PCDHGB3: variants seen among roughly 807,000 people sequenced by gnomAD.
PCDHGB3 encodes protocadherin gamma subfamily B, 3.
PCDHGB3 carries 40 observed loss-of-function variants against 59.2 expected under a neutral mutation model. The observed-to-expected ratio is 0.68, with a 90% CI of 0.52 to 0.88. PCDHGB3 has a LOEUF of 0.88. Among genes scored for constraint, PCDHGB3 ranks in the 40% least tolerant of loss-of-function variants. The probability of loss-of-function intolerance (pLI) is 0.00; values close to 1 mark genes in which losing one functional copy is unlikely to be tolerated. For synonymous variants in PCDHGB3, 581 were observed against 503.6 expected (o/e 1.15, Z -2.06); for missense variants, 1,309 against 1,187.9 (o/e 1.10, Z -1.50).
At chr5:141,430,771 G>A (rs772862341) in intron 1 of PCDHGB3, 37 of 1,506,734 alleles carry the variant, frequency 2.5e-5, no homozygotes, top group Non-Finnish European at 2.7e-5. Flanking sequence ...TGATTCCTGC[G>A]CGACTGCACC....
intron 1 of PCDHGB3, chr5:141,384,825 CG>C (rs1780562640): frequency 1.2e-6 from 2 of 1,613,472 alleles, no homozygotes; most frequent in Non-Finnish European, 1.7e-6. Context: ...AGCAGAGCCT[CG>C]TGGTGGCCGT....
chr5:141,376,374 G>GT (rs778102910), intron 1 of PCDHGB3: 18 of 1,614,072 alleles, frequency 1.1e-5, no homozygotes, highest in East Asian at 1.1e-4. Context: ...GCAGACTCGC[G>GT]TAAGAGTCAT....
At chr5:141,479,056 A>G (rs952560687) in intron 1 of PCDHGB3, among the ~76,000 whole-genome samples, 1 of 152,098 alleles carries the variant, frequency 6.6e-6, no homozygotes, top group Admixed American at 6.5e-5. Context: ...TTCTCAGATA[A>G]TTTTTTATGA....
rs749044339 is a variant in PCDHGB3, at chr5:141,477,410, G to A, written c.2416-17397G>A. On this transcript the variant is annotated intron_variant, in intron 1 of 3. Coordinates refer to ENST00000576222, the MANE Select transcript of PCDHGB3 (RefSeq NM_018924.5). This position sits in a 1 kb window ranked among gnomAD's most constrained non-coding sequence, Gnocchi z 4.9. ...CAACCTCAGCATCACCGCCCGAGAC[G>A]CCGGAACCCCTTCCCTCTCAGCCCT... 66 of 1,613,988 alleles carry A rather than the reference G, an allele frequency of 4.1e-5. 1 individual carries two copies. The South Asian group carries it at 7.0e-4, about 17-fold the overall frequency.
At chr5:141,374,761 C>T in intron 1 of PCDHGB3, 1 of 1,613,458 alleles carries the variant, frequency 6.2e-7, no homozygotes, top group African/African-American at 1.3e-5. Context: ...CAAGCGTCGC[C>T]CAAATTCTGG....
intron 1 of PCDHGB3, chr5:141,433,325 C>CA: frequency 2.8e-6 from 2 of 726,266 alleles, no homozygotes; most frequent in Non-Finnish European, 4.5e-6. Context: ...TCCGGTGTAA[C>CA]AGGGACTACA....
chr5:141,430,952 C>T, intron 1 of PCDHGB3: 2 of 1,610,382 alleles, frequency 1.2e-6, no homozygotes, highest in Non-Finnish European at 1.7e-6. Flanking sequence ...GCGCGGAGTC[C>T]GCATCATCCC....
chr5:141,502,500 G>C (rs1398797155), intron 2 of PCDHGB3, among the ~76,000 whole-genome samples: 1 of 152,046 alleles, frequency 6.6e-6, no homozygotes, highest in Non-Finnish European at 1.5e-5. Flanking sequence ...ATCTAACGTC[G>C]GCCTGTCCCA....
chr5:141,374,747 C>G, intron 1 of PCDHGB3: 1 of 1,612,140 alleles, frequency 6.2e-7, no homozygotes, highest in Non-Finnish European at 8.5e-7. Flanking sequence ...CGACCCTGTC[C>G]GCTCAAGCGT....
chr5:141,454,546 A>G (rs1342532359), intron 1 of PCDHGB3, among the ~76,000 whole-genome samples: 1 of 152,098 alleles, frequency 6.6e-6, no homozygotes, highest in African/African-American at 2.4e-5. Flanking sequence ...AGCTGAGATT[A>G]CAGGCATGTG....
chr5:141,374,154 G>C (rs376984494), intron 1 of PCDHGB3: 38 of 1,611,790 alleles, frequency 2.4e-5, no homozygotes, highest in Admixed American at 8.4e-5. Flanking sequence ...GGGACGCTGT[G>C]GGGGGCCGCG....
intron 1 of PCDHGB3, among the ~76,000 whole-genome samples, chr5:141,463,944 T>C (rs1454454223): frequency 3.3e-5 from 5 of 152,158 alleles, no homozygotes; most frequent in African/African-American, 4.8e-5. Flanking sequence ...TTTATAGAAA[T>C]CTTCATTTTT....
intron 1 of PCDHGB3, chr5:141,383,242 A>C: frequency 1.9e-6 from 3 of 1,613,970 alleles, no homozygotes; most frequent in Non-Finnish European, 2.5e-6. Flanking sequence ...AGATAAAATG[A>C]ATCTTTACCC....
chr5:141,372,687 T>G lies in PCDHGB3; in HGVS notation c.2293T>G (p.Phe765Val). 6.2e-7 allele frequency: 1 copy of G among 1,614,018 alleles called. No individual in the cohort carries two copies. The change falls in exon 1 of 4, where the codon TTT becomes GTT. Residue 765 changes from phenylalanine (F) to valine (V), a missense_variant. Physicochemically the swap from Phe to Val is conservative, Grantham distance 50. Coordinates refer to ENST00000576222, the MANE Select transcript of PCDHGB3 (RefSeq NM_018924.5). ...CAASHSSNTE[F>V]KFLNIKAENA... ...TGCCTCACATTCCTCAAACACCGAG[T>G]TTAAATTTCTCAATATAAAGGCTGA...
Position 141,371,939 on chromosome 5 carries a change from C to G in PCDHGB3, c.1545C>G (p.Phe515Leu), listed in dbSNP as rs1561553418. 3.7e-6 allele frequency: 6 copies of G among 1,613,300 alleles called. No homozygotes were observed. Among genetic ancestry groups the G allele is most frequent in the Non-Finnish European group, 5.1e-6 (6 of 1,179,886 alleles). Residue 515 changes from phenylalanine to leucine, a missense_variant, in exon 1 of 4, where the codon TTC becomes TTG. By Grantham distance (22) the Phe-to-Leu change is conservative (BLOSUM62 0). Coordinates refer to ENST00000576222, the MANE Select transcript of PCDHGB3 (RefSeq NM_018924.5). ...TGAGCGCGCGGAGCGGGGTGGTGTT[C>G]GCGCAGCGAGCCTTCGACCACGAGC... ...VSVSARSGVVFAQRAFDHEQL... is the reference protein window; with the variant it reads ...VSVSARSGVVLAQRAFDHEQL...
chr5:141,486,271 C>T lies in PCDHGB3; in HGVS notation c.2416-8536C>T. 1 of 1,614,086 alleles carries T rather than the reference C, an allele frequency of 6.2e-7. No homozygotes were observed. Among genetic ancestry groups the T allele is most frequent in the Non-Finnish European group, 8.5e-7 (1 of 1,179,994 alleles). ...CCCTCCCCGAGAGTGCAGAACCTGG[C>T]ACTGTGGTGGCACTTATCAGTGTGC... On this transcript the variant is annotated intron_variant, in intron 1 of 3. Coordinates refer to ENST00000576222, the MANE Select transcript of PCDHGB3 (RefSeq NM_018924.5). The surrounding 1 kb of genome is among the most constrained non-coding windows in gnomAD (Gnocchi z 5.0).
chr5:141,397,988 C>A, intron 1 of PCDHGB3: 2 of 1,327,490 alleles, frequency 1.5e-6, no homozygotes, highest in Non-Finnish European at 1.0e-6. Flanking sequence ...CTTTACACCG[C>A]TTCCTCCTCG....
chr5:141,457,997 G>A (rs2098934533), intron 1 of PCDHGB3, among the ~76,000 whole-genome samples: 1 of 152,152 alleles, frequency 6.6e-6, no homozygotes, highest in Non-Finnish European at 1.5e-5. Context: ...TAAAGCCTTG[G>A]CAAAATAACC....
At chr5:141,414,300 G>T in intron 1 of PCDHGB3, 7 of 1,613,560 alleles carry the variant, frequency 4.3e-6, no homozygotes, top group Non-Finnish European at 5.9e-6. Context: ...TTTTAAATGT[G>T]CATGATTTAG....
Sources: allele counts gnomAD v4.1 joint callset (sites outside exome capture counted in the v4.1 genomes callset), GRCh38; gene constraint gnomAD v4.1.1; non-coding constraint Gnocchi (gnomAD v3.1); transcripts MANE v1.5; gene names NCBI Gene and HGNC (gene_info 2026-07-23, HGNC 2026-07-21).